Variants in B3GALT1 observed in about 807,000 individuals in gnomAD.
B3GALT1 encodes beta-1,3-galactosyltransferase 1.
Under a neutral mutation model 23.2 loss-of-function variants are expected in B3GALT1, and 10 were observed. The observed-to-expected ratio is 0.43, with a 90% CI of 0.27 to 0.73. The LOEUF (loss-of-function observed/expected upper bound fraction) is 0.73. Among genes scored for constraint, B3GALT1 ranks in the 30% least tolerant of loss-of-function variants. The pLI is 0.21. For missense variants in B3GALT1, 299 were observed against 405.4 expected, an observed-to-expected ratio of 0.74 and a Z score of 2.25; for synonymous variants, 156 against 141.5, an observed-to-expected ratio of 1.10 and a Z score of -0.73.
intron 3 of B3GALT1, among the ~76,000 whole-genome samples, chr2:167,802,389 A>T (rs944206417): frequency 6.6e-6 from 1 of 152,140 alleles, no homozygotes; most frequent in African/African-American, 2.4e-5. Context: ...TATTGATCTC[A>T]TTTTGTGTGG....
At chr2:167,313,182 A>G (rs929452302) in intron 1 of B3GALT1, among the ~76,000 whole-genome samples, 1 of 152,068 alleles carries the variant, frequency 6.6e-6, no homozygotes, top group African/African-American at 2.4e-5. Context: ...CCAGAGTACC[A>G]CCACTTTTGC....
intron 1 of B3GALT1, among the ~76,000 whole-genome samples, chr2:167,402,474 C>G (rs887506421): frequency 4.6e-5 from 7 of 152,050 alleles, no homozygotes; most frequent in African/African-American, 1.7e-4. Flanking sequence ...AACCTCTACT[C>G]TGGTCTCAAT....
intron 1 of B3GALT1, among the ~76,000 whole-genome samples, chr2:167,315,938 TG>T (rs1364960841): frequency 1.3e-5 from 2 of 152,252 alleles, no homozygotes; most frequent in Non-Finnish European, 2.9e-5. Context: ...AAAATGCAGA[TG>T]TTTTTCAACA....
At chr2:167,534,943 T>C (rs1683391510) in intron 2 of B3GALT1, among the ~76,000 whole-genome samples, 1 of 152,144 alleles carries the variant, frequency 6.6e-6, no homozygotes, top group Non-Finnish European at 1.5e-5. Context: ...GATTTTGTTA[T>C]CCTCATTTTA....
intron 1 of B3GALT1, among the ~76,000 whole-genome samples, chr2:167,428,848 G>C (rs1034977527): frequency 6.6e-6 from 1 of 152,176 alleles, no homozygotes; most frequent in Non-Finnish European, 1.5e-5. Flanking sequence ...TGAGAATCAG[G>C]CTATTTTATA....
At chr2:167,549,395 C>A (rs967855603) in intron 2 of B3GALT1, among the ~76,000 whole-genome samples, 6 of 152,194 alleles carry the variant, frequency 3.9e-5, no homozygotes, top group African/African-American at 1.4e-4. Flanking sequence ...CAGTGCCCTG[C>A]TGCCTCACAA....
At chr2:167,466,989 G>C (rs1387792140) in intron 1 of B3GALT1, among the ~76,000 whole-genome samples, 1 of 150,652 alleles carries the variant, frequency 6.6e-6, no homozygotes, top group Non-Finnish European at 1.5e-5. Context: ...CAGCCTCCCA[G>C]GGTGCTGGGA....
intron 1 of B3GALT1, among the ~76,000 whole-genome samples, chr2:167,476,359 A>G (rs1239930195): frequency 1.3e-5 from 2 of 152,224 alleles, no homozygotes; most frequent in Non-Finnish European, 2.9e-5. Flanking sequence ...AGACATGAAT[A>G]TAAGCGTTTA....
intron 1 of B3GALT1, among the ~76,000 whole-genome samples, chr2:167,360,950 T>C (rs1161770569): frequency 1.3e-5 from 2 of 152,206 alleles, no homozygotes; most frequent in Admixed American, 6.5e-5. Context: ...AATGAGAACA[T>C]GTGGACATTG....
At chr2:167,387,129 C>T (rs1019620733) in intron 1 of B3GALT1, among the ~76,000 whole-genome samples, 8 of 152,242 alleles carry the variant, frequency 5.3e-5, no homozygotes, top group African/African-American at 1.9e-4. Flanking sequence ...TTATTTAATT[C>T]TGCCAAGAGA....
intron 3 of B3GALT1, among the ~76,000 whole-genome samples, chr2:167,750,326 A>T (rs1364426340): frequency 6.6e-6 from 1 of 152,144 alleles, no homozygotes; most frequent in Non-Finnish European, 1.5e-5. Flanking sequence ...GAGTAAATAG[A>T]CCGTAAGGAA....
intron 1 of B3GALT1, among the ~76,000 whole-genome samples, chr2:167,356,376 G>T (rs1009468729): frequency 6.6e-6 from 1 of 152,160 alleles, no homozygotes; most frequent in Admixed American, 6.5e-5. Context: ...GTATTTATTT[G>T]ATTTTTGTGA....
At chr2:167,505,815 T>C (rs1401812751) in intron 2 of B3GALT1, among the ~76,000 whole-genome samples, 3 of 152,108 alleles carry the variant, frequency 2.0e-5, no homozygotes, top group Admixed American at 2.0e-4. Flanking sequence ...ATCCCAGCAC[T>C]TTGGGAGGCT....
chr2:167,570,925 G>A (rs1684282631), intron 2 of B3GALT1, among the ~76,000 whole-genome samples: 1 of 151,822 alleles, frequency 6.6e-6, no homozygotes, highest in South Asian at 2.1e-4. Context: ...TTTAATCTTG[G>A]TTCAATTGTC....
At chr2:167,661,719 G>T (rs748468717) in intron 3 of B3GALT1, among the ~76,000 whole-genome samples, 1 of 152,054 alleles carries the variant, frequency 6.6e-6, no homozygotes, top group Non-Finnish European at 1.5e-5. Flanking sequence ...AGTTAAATAT[G>T]CCCTGAGAGA....
chr2:167,412,331 G>C (rs1257537845), intron 1 of B3GALT1, among the ~76,000 whole-genome samples: 1 of 152,008 alleles, frequency 6.6e-6, no homozygotes, highest in Non-Finnish European at 1.5e-5. Flanking sequence ...AGAGAATGGA[G>C]AACATACATG....
chr2:167,497,251 C>T (rs1443275526), intron 2 of B3GALT1, among the ~76,000 whole-genome samples: 4 of 144,688 alleles, frequency 2.8e-5, no homozygotes, highest in African/African-American at 5.4e-5. Context: ...GGATGGGCAA[C>T]GGTTACAGTA....
chr2:167,751,556 A>T (rs1448450901), intron 3 of B3GALT1, among the ~76,000 whole-genome samples: 2 of 152,180 alleles, frequency 1.3e-5, no homozygotes, highest in African/African-American at 4.8e-5. Context: ...AGTTATGAGG[A>T]TAATTGGACC....
chr2:167,595,332 C>T lies in B3GALT1; in HGVS notation c.-409-51577C>T, dbSNP rs112243528. ...TTTTGACTGTCTGCTCTGCATCGCCCACCCATATCATGTGCTGTCTCATTA... is the reference window on the plus strand; with the variant it reads ...TTTTGACTGTCTGCTCTGCATCGCCTACCCATATCATGTGCTGTCTCATTA... On this transcript the variant is annotated intron_variant, in intron 2 of 4. Transcript: ENST00000392690. 3.3e-5 allele frequency among the ~76,000 whole-genome samples: 5 copies of T among 152,272 alleles called. 1 individual carries two copies. Among genetic ancestry groups the T allele is most frequent in the African/African-American group, 1.2e-4 (5 of 41,536 alleles).
Sources: allele counts gnomAD v4.1 joint callset (sites outside exome capture counted in the v4.1 genomes callset), GRCh38; gene constraint gnomAD v4.1.1; transcripts MANE v1.5; gene names NCBI Gene and HGNC (gene_info 2026-07-23, HGNC 2026-07-21).